Variants in NOL11 observed in about 807,000 individuals in gnomAD.
NOL11 encodes the protein nucleolar protein 11.
NOL11 carries 42 observed loss-of-function variants against 93.0 expected under a neutral mutation model. That is an observed-to-expected ratio of 0.45 (90% CI 0.35 to 0.58). NOL11 has a LOEUF of 0.58. NOL11 is among the 20% of genes least tolerant of loss of function. The pLI, the probability that NOL11 is intolerant of heterozygous loss-of-function variation, is 0.00. For synonymous variants in NOL11, 296 were observed against 293.7 expected (o/e 1.01, Z -0.08); for missense variants, 775 against 841.8 (o/e 0.92, Z 0.98).
At position 67,738,870 on chromosome 17, in the gene NOL11, T is replaced by C. The variant is rs574427821; in HGVS notation, c.1764-62T>C. 4.9e-6 allele frequency: 5 copies of C among 1,027,666 alleles called. No homozygotes were observed. In the East Asian group the frequency reaches 9.5e-5, roughly 20 times the overall value. The allele number at this position is 1,027,666 out of a possible 1,614,324, so 63.7% of individuals were successfully genotyped here. A position where few individuals can be genotyped will look rare whatever the true frequency, so the allele number is the denominator to read the frequency against. ...GAAAACTAACATTGACAAAGGAAGT[T>C]ACTCATAAGTTCAATAGAATAGCTT... On this transcript the variant is annotated intron_variant, in intron 14 of 17. Transcript: ENST00000253247.
intron 1 of NOL11, 93 bp downstream of exon 1, chr17:67,718,181 A>T: frequency 1.3e-6 from 2 of 1,528,808 alleles, no homozygotes; most frequent in South Asian, 1.2e-5. Flanking sequence ...CTTCAGAAAG[A>T]GATCGTGGAG....
Position 67,739,430 on chromosome 17 carries a change from C to T in NOL11, c.1843-86C>T, listed in dbSNP as rs371211767. On this transcript the variant is annotated intron_variant, in intron 15 of 17. Transcript: ENST00000253247. ...GTATTTGTTTGATGTATAAATTGAA[C>T]ATTTTTTTCAATCTTCGTGATGGGT... 5,316 of 764,724 alleles carry T rather than the reference C, an allele frequency of 7.0e-3. 30 individuals are homozygous for T. The highest frequency in any genetic ancestry group is 0.024 in the Middle Eastern group (66 of 2,806). 47.4% of individuals were successfully genotyped at this position (764,724 alleles called of 1,614,324 possible). A position where few individuals can be genotyped will look rare whatever the true frequency, so the allele number is the denominator to read the frequency against.
Position 67,726,486 on chromosome 17 carries a change from T to G in NOL11, c.691T>G (p.Leu231Val). 1.2e-6 allele frequency: 2 copies of G among 1,613,356 alleles called. No individual in the cohort carries two copies. Among genetic ancestry groups the G allele is most frequent in the Admixed American group, 1.7e-5 (1 of 59,792 alleles). ...CTCTGATGGTTGTATATATGAAACCTTGATACCAATACGTCCAGCTGACCC... is the reference window on the plus strand; with the variant it reads ...CTCTGATGGTTGTATATATGAAACCGTGATACCAATACGTCCAGCTGACCC... ...LSSDGCIYET[L>V]IPIRPADPEK... The change falls in exon 7 of 18, where the codon TTG (leucine) becomes GTG (valine). Residue 231 changes from leucine (L) to valine (V), a missense_variant. Leu to Val is a conservative substitution (Grantham distance 32, BLOSUM62 1). Around this residue, in one of 2 missense-constraint regions of NOL11, gnomAD observed 359 missense variants for 316.5 expected, o/e 1.13. Coordinates refer to ENST00000253247, the MANE Select transcript of NOL11 (RefSeq NM_015462.5).
intron 7 of NOL11, among the ~76,000 whole-genome samples, chr17:67,729,848 G>C (rs559946771): frequency 7.3e-4 from 111 of 152,244 alleles, no homozygotes; most frequent in African/African-American, 2.6e-3. Context: ...CAAAGTGCCG[G>C]GATTACAGGC....
chr17:67,726,356 G>A (rs2055093059), intron 6 of NOL11, 104 bp from the exon 7 acceptor site: 2 of 914,482 alleles, frequency 2.2e-6, no homozygotes, highest in Admixed American at 3.7e-5. Flanking sequence ...CTGGTTGGCT[G>A]TTTTATCAAA....
intron 7 of NOL11, among the ~76,000 whole-genome samples, chr17:67,733,215 A>G (rs1311298489): frequency 2.0e-5 from 3 of 151,602 alleles, no homozygotes; most frequent in Non-Finnish European, 4.4e-5. Context: ...AATTACAAAA[A>G]TTAGCTGGGC....
At chr17:67,735,268 A>G (rs577488106) in intron 8 of NOL11, among the ~76,000 whole-genome samples, 22 of 152,262 alleles carry the variant, frequency 1.4e-4, no homozygotes, top group African/African-American at 5.3e-4. Flanking sequence ...AATCAAGGCA[A>G]TAGGATGTTT....
chr17:67,739,000 A>G lies in NOL11; in HGVS notation c.1832A>G (p.Gln611Arg). Reference protein sequence around the residue: ...LLPHLKDIPAQHITLFLKYLY... With the variant: ...LLPHLKDIPARHITLFLKYLY... ...CCTCATTTGAAAGACATCCCAGCACAGCATATCACGGTAAGTGTTCATACA... is the reference window on the plus strand; with the variant it reads ...CCTCATTTGAAAGACATCCCAGCACGGCATATCACGGTAAGTGTTCATACA... Residue 611 changes from glutamine (Q) to arginine (R), a missense_variant, in exon 15 of 18, where the codon CAG (glutamine) becomes CGG (arginine). Physicochemically the swap from Gln to Arg is conservative, Grantham distance 43 (BLOSUM62 1). Coordinates refer to ENST00000253247, the MANE Select transcript of NOL11 (RefSeq NM_015462.5). 6.2e-7 allele frequency: 1 copy of G among 1,608,082 alleles called. No individual in the cohort carries two copies. The highest frequency in any genetic ancestry group is 1.1e-5 in the South Asian group (1 of 90,776).
intron 3 of NOL11, 77 bp from the exon 4 acceptor site, chr17:67,721,301 G>A: frequency 1.1e-6 from 1 of 887,606 alleles, no homozygotes; most frequent in African/African-American, 1.7e-5. Flanking sequence ...CACTTAAAAA[G>A]AAGCCTTCTC....
chr17:67,726,932 A>C (rs1303019949), intron 7 of NOL11: 1 of 223,432 alleles, frequency 4.5e-6, no homozygotes, highest in East Asian at 9.6e-5. Flanking sequence ...ACTAGCCTGC[A>C]GGTATTTGAA....
intron 7 of NOL11, chr17:67,726,879 G>C: frequency 5.6e-6 from 2 of 359,648 alleles, no homozygotes; most frequent in Non-Finnish European, 9.9e-6. Flanking sequence ...TCATAACTAT[G>C]TCATAAAGAA....
At chr17:67,743,316 C>A in intron 16 of NOL11, 163 bp from the exon 17 acceptor site, 1 of 440,804 alleles carries the variant, frequency 2.3e-6, no homozygotes, top group Non-Finnish European at 4.0e-6. Context: ...AGAAATGAGC[C>A]TTTTTATATT....
Position 67,737,898 on chromosome 17 carries a change from G to C in NOL11, c.1455G>C (p.Leu485Phe). 1 of 1,613,578 alleles carries C rather than the reference G, an allele frequency of 6.2e-7. No individual in the cohort carries two copies. The highest frequency in any genetic ancestry group is 8.5e-7 in the Non-Finnish European group (1 of 1,179,860). The change falls in exon 13 of 18, where the codon TTG becomes TTC. Residue 485 changes from leucine to phenylalanine, a missense_variant. Leu to Phe is a conservative substitution (Grantham distance 22, BLOSUM62 0). Transcript: ENST00000253247. ...EIALKKKDVQLLQLCLQQFPD... is the reference protein window; with the variant it reads ...EIALKKKDVQFLQLCLQQFPD... ...CCTTAAAAAAGAAAGATGTACAGTT[G>C]TTACAACTCTGTCTACAGCAGTTCC...
chr17:67,728,534 C>G (rs1035009908), intron 7 of NOL11, among the ~76,000 whole-genome samples: 1 of 152,284 alleles, frequency 6.6e-6, no homozygotes, highest in Admixed American at 6.5e-5. Flanking sequence ...CCTCTCTCTT[C>G]TCCCATCTTC....
At chr17:67,723,881 G>C (rs1465701350) in intron 5 of NOL11, among the ~76,000 whole-genome samples, 168 bp from the exon 6 acceptor site, 1 of 152,108 alleles carries the variant, frequency 6.6e-6, no homozygotes, top group Non-Finnish European at 1.5e-5. Context: ...AGCCCAGCCT[G>C]GGCCACAGAG....
chr17:67,735,530 A>G (rs1599045198), intron 8 of NOL11, among the ~76,000 whole-genome samples: 1 of 152,074 alleles, frequency 6.6e-6, no homozygotes, highest in East Asian at 1.9e-4. Context: ...CATAAAATAT[A>G]AAGTGTTAAA....
intron 7 of NOL11, among the ~76,000 whole-genome samples, chr17:67,727,517 T>C (rs1034464594): frequency 2.6e-5 from 4 of 151,858 alleles, no homozygotes; most frequent in African/African-American, 7.3e-5. Context: ...ATTAGCTGGG[T>C]GTGGTGGCGC....
intron 7 of NOL11, 24 bp from the exon 8 acceptor site, chr17:67,734,339 C>T: frequency 7.1e-7 from 1 of 1,399,412 alleles, no homozygotes; most frequent in Non-Finnish European, 1.0e-6. Flanking sequence ...GGACTTTTTT[C>T]TGAATTTATG....
At chr17:67,738,866 A>C (rs1017081471) in intron 14 of NOL11, 66 bp from the exon 15 acceptor site, 5 of 984,856 alleles carry the variant, frequency 5.1e-6, no homozygotes, top group Admixed American at 2.1e-5. Flanking sequence ...TTGACAAAGG[A>C]AGTTACTCAT....
Sources: allele counts gnomAD v4.1 joint callset (sites outside exome capture counted in the v4.1 genomes callset), GRCh38; gene constraint gnomAD v4.1.1; regional missense constraint gnomAD v4.1.1; transcripts MANE v1.5; gene names NCBI Gene and HGNC (gene_info 2026-07-23, HGNC 2026-07-21).